Variants in TMEM63C observed in about 807,000 individuals in gnomAD.
TMEM63C encodes osmosensitive cation channel TMEM63C.
A neutral mutation model predicts 99.2 loss-of-function variants in TMEM63C; 32 were observed. That is an observed-to-expected ratio of 0.32 (90% CI 0.24 to 0.43). TMEM63C has a LOEUF of 0.43. TMEM63C is among the 20% of genes least tolerant of loss of function. The pLI, the probability that TMEM63C is intolerant of heterozygous loss-of-function variation, is 1.00. For missense variants in TMEM63C, 826 were observed against 1,053.0 expected (o/e 0.78, Z 2.98); for synonymous variants, 376 against 397.9 (o/e 0.94, Z 0.66).
chr14:77,222,519 A>T (rs1312516613), intron 5 of TMEM63C, among the ~76,000 whole-genome samples: 1 of 152,114 alleles, frequency 6.6e-6, no homozygotes, highest in Non-Finnish European at 1.5e-5. Flanking sequence ...TGCTGCAGAG[A>T]CCTTCACTGT....
intron 3 of TMEM63C, 62 bp from the exon 4 acceptor site, chr14:77,219,436 G>T: frequency 6.4e-7 from 1 of 1,571,908 alleles, no homozygotes; most frequent in South Asian, 1.1e-5. Context: ...AATGCAGGGG[G>T]CCAGCCAAGG....
At position 77,243,017 on chromosome 14, in the gene TMEM63C, C is replaced by T. The variant is rs766103237; in HGVS notation, c.1302C>T (p.Ile434=). 1.3e-5 allele frequency: 21 copies of T among 1,613,952 alleles called. No homozygotes were observed. The highest frequency in any genetic ancestry group is 8.8e-5 in the South Asian group (8 of 91,072). ...CGCCTGCCATCATCATGAACACTAT[C>T]GACATGTACAACGTCACCCGCCCCA... The part of the protein sequence containing the change: ...LTTPAIIMNT[I]DMYNVTRPIE... The change falls in exon 15 of 24, where the codon ATC becomes ATT. Residue 434 remains isoleucine (I), a synonymous_variant. Transcript: ENST00000298351.
chr14:77,183,931 T>C (rs542328265), intron 1 of TMEM63C, among the ~76,000 whole-genome samples: 1 of 152,160 alleles, frequency 6.6e-6, no homozygotes, highest in East Asian at 1.9e-4. Flanking sequence ...AGAGAAAGGG[T>C]CAGGCCTCAG....
intron 23 of TMEM63C, among the ~76,000 whole-genome samples, chr14:77,254,054 G>T (rs1158228191): frequency 2.6e-5 from 4 of 152,244 alleles, no homozygotes; most frequent in Non-Finnish European, 4.4e-5. Flanking sequence ...AGGGTGCCAG[G>T]CTGGCACTCG....
intron 2 of TMEM63C, among the ~76,000 whole-genome samples, chr14:77,215,614 A>AGAAAGAAAAG (rs1555347249): frequency 5.2e-5 from 4 of 76,528 alleles, no homozygotes; most frequent in African/African-American, 2.2e-4. Context: ...AAAAAAAAAA[A>AGAAAGAAAAG]AAAAGAAAAG....
intron 1 of TMEM63C, 117 bp from the exon 2 acceptor site, chr14:77,213,329 G>A (rs938316890): frequency 6.6e-6 from 1 of 152,246 alleles, no homozygotes; most frequent in Non-Finnish European, 1.5e-5. Context: ...CTCTGATAAA[G>A]GACGTGCATT....
chr14:77,186,368 G>A (rs996509879), intron 1 of TMEM63C, among the ~76,000 whole-genome samples: 4 of 152,116 alleles, frequency 2.6e-5, no homozygotes, highest in Non-Finnish European at 5.9e-5. Context: ...GACCAACAAT[G>A]TCGACTGCTC....
chr14:77,203,289 G>A (rs1190183171), intron 1 of TMEM63C, among the ~76,000 whole-genome samples: 1 of 151,108 alleles, frequency 6.6e-6, no homozygotes, highest in Non-Finnish European at 1.5e-5. Flanking sequence ...GGCTGAGGCA[G>A]GAGAATCACT....
At chr14:77,249,537 G>C in intron 21 of TMEM63C, 79 bp downstream of exon 21, 1 of 1,508,088 alleles carries the variant, frequency 6.6e-7, no homozygotes. Context: ...GACCCTGTTA[G>C]AGGAGAAAAG....
chr14:77,219,056 T>A, intron 3 of TMEM63C, 93 bp downstream of exon 3: 1 of 1,324,730 alleles, frequency 7.5e-7, no homozygotes, highest in South Asian at 1.7e-5. Flanking sequence ...GTTGTCCAAA[T>A]GGACAACAAC....
In TMEM63C at chr14:77,253,688, G is replaced by T. The variant is rs958192681; in HGVS notation, c.2220+312G>T. On this transcript the variant is annotated intron_variant, in intron 23 of 23. Transcript: ENST00000298351. ...GACCTCGGTCATGTAGACGCAGGGG[G>T]GCCTGCTGAGGATTGGCCTCGGGAC... is the stretch of plus-strand genomic sequence containing the variant. 3.9e-5 allele frequency among the ~76,000 whole-genome samples: 6 copies of T among 152,322 alleles called. No individual in the cohort carries two copies. The East Asian group carries it at 7.7e-4, about 20-fold the overall frequency.
At position 77,232,801 on chromosome 14, in the gene TMEM63C, G is replaced by C. The variant is rs191126666; in HGVS notation, c.494-651G>C. Among the ~76,000 whole-genome samples, 402 of 152,334 alleles carry C rather than the reference G, an allele frequency of 2.6e-3. 1 individual carries two copies. The highest frequency in any genetic ancestry group is 3.2e-3 in the Non-Finnish European group (217 of 68,030). ...CTGTACAACTGGGTGGTGCAGAATA[G>C]CACCGTAAATGCCCCAGGGGCAACC... On this transcript the variant is annotated intron_variant, in intron 7 of 23. Transcript: ENST00000298351.
At chr14:77,183,217 G>A (rs1887943052) in intron 1 of TMEM63C, among the ~76,000 whole-genome samples, 1 of 152,092 alleles carries the variant, frequency 6.6e-6, no homozygotes, top group South Asian at 2.1e-4. Flanking sequence ...TTACCTACAT[G>A]CAGGTCTTCT....
Position 77,253,288 on chromosome 14 carries a change from A to T in TMEM63C, c.2149-17A>T. ...AAGAGCAGGCCTCCTGTAACCCACCACCTCTCCCTGCTGCAGCCCGAGGAG... is the reference window on the plus strand; with the variant it reads ...AAGAGCAGGCCTCCTGTAACCCACCTCCTCTCCCTGCTGCAGCCCGAGGAG... On this transcript the variant is annotated splice_polypyrimidine_tract_variant and intron_variant, in intron 22 of 23. Coordinates refer to ENST00000298351, the MANE Select transcript of TMEM63C (RefSeq NM_020431.4). 6.2e-7 allele frequency: 1 copy of T among 1,610,274 alleles called. No individual in the cohort carries two copies. The highest frequency in any genetic ancestry group is 1.3e-5 in the African/African-American group (1 of 74,814).
chr14:77,195,024 C>T (rs556844704), intron 1 of TMEM63C, among the ~76,000 whole-genome samples: 5 of 151,950 alleles, frequency 3.3e-5, no homozygotes, highest in East Asian at 3.9e-4. Flanking sequence ...GAGGCGGAGG[C>T]GAGAGGATCA....
intron 1 of TMEM63C, among the ~76,000 whole-genome samples, chr14:77,182,895 C>T (rs1395689675): frequency 6.6e-6 from 1 of 152,096 alleles, no homozygotes; most frequent in Non-Finnish European, 1.5e-5. Context: ...TGAACTTTCT[C>T]CTTCAACAGC....
At chr14:77,201,587 T>C (rs1229558958) in intron 1 of TMEM63C, among the ~76,000 whole-genome samples, 1 of 152,154 alleles carries the variant, frequency 6.6e-6, no homozygotes, top group African/African-American at 2.4e-5. Context: ...CAGGGACTTG[T>C]TGGAGACAGA....
In TMEM63C at chr14:77,249,358, C is replaced by T. The variant is rs765323154; in HGVS notation, c.1938C>T (p.Thr646=). ...RYNMYYSFAP[T]KLNEQIHMAA... ...ACATGTACTACTCCTTTGCACCCAC[C>T]AAACTGAACGAGCAGATCCACATGG... The change falls in exon 21 of 24, where the codon ACC becomes ACT. Residue 646 remains threonine (T), a synonymous_variant. Coordinates refer to ENST00000298351, the MANE Select transcript of TMEM63C (RefSeq NM_020431.4). 1.2e-6 allele frequency: 2 copies of T among 1,614,014 alleles called. No individual in the cohort carries two copies. Among genetic ancestry groups the T allele is most frequent in the South Asian group, 2.2e-5 (2 of 91,078 alleles).
chr14:77,238,115 T>C (rs1301037141), intron 9 of TMEM63C, among the ~76,000 whole-genome samples: 3 of 152,162 alleles, frequency 2.0e-5, no homozygotes, highest in Non-Finnish European at 4.4e-5. Context: ...ACTGTCATCT[T>C]AAAGGTGACG....
Sources: gnomAD v4.1 joint callset for allele counts (sites outside exome capture counted in the v4.1 genomes callset) on GRCh38, gnomAD v4.1.1 for gene constraint, MANE v1.5 for transcripts, NCBI Gene and HGNC (gene_info 2026-07-23, HGNC 2026-07-21) for gene names.